The following UTP20 variants were observed in gnomAD, a reference collection of about 807,000 sequenced individuals.
UTP20 encodes small subunit processome component 20 homolog.
A neutral mutation model predicts 329.5 loss-of-function variants in UTP20; 164 were observed. That is an observed-to-expected ratio of 0.50 (90% CI 0.44 to 0.57). The LOEUF is 0.57. Among genes scored for constraint, UTP20 ranks in the 20% least tolerant of loss-of-function variants. UTP20 has a pLI of 0.00. For synonymous variants in UTP20, 1,151 were observed against 1,159.3 expected (o/e 0.99, Z 0.14); for missense variants, 3,055 against 3,284.2 (o/e 0.93, Z 1.71).
At position 101,365,604 on chromosome 12, in the gene UTP20, C is replaced by G. The variant is rs1034990688; in HGVS notation, c.6104C>G (p.Pro2035Arg). ...TATGGTTTGATCAGTGAAAATCTTC[C>G]CCTGTTAACAGAGAAAGAAAAGTAA... ...LSYGLISENL[P>R]LLTEKEKNPV... Residue 2035 changes from proline to arginine, a missense_variant, in exon 46 of 62, where the codon CCC becomes CGC. By Grantham distance (103) the Pro-to-Arg change is moderately radical. Coordinates refer to ENST00000261637, the MANE Select transcript of UTP20 (RefSeq NM_014503.3). 108 of 1,569,074 alleles carry G rather than the reference C, an allele frequency of 6.9e-5. No homozygotes were observed. The highest frequency in any genetic ancestry group is 8.6e-5 in the Non-Finnish European group (100 of 1,164,252).
chr12:101,281,087 A>G lies in UTP20; in HGVS notation c.46-29A>G, dbSNP rs376877104. Reference sequence around the variant, plus strand: ...AAGATCTGATAAATTTTAATTAATTATGTATCTTAAATATACTTTCCCTTC... The same window carrying G: ...AAGATCTGATAAATTTTAATTAATTGTGTATCTTAAATATACTTTCCCTTC... On this transcript the variant is annotated intron_variant, in intron 1 of 61. Coordinates refer to ENST00000261637, the MANE Select transcript of UTP20 (RefSeq NM_014503.3). The G allele has an allele frequency of 2.6e-6, 4 of 1,548,752 alleles. No homozygotes were observed. In the African/African-American group the frequency reaches 5.5e-5, roughly 21 times the overall value.
At chr12:101,321,179 C>A (rs1008705123) in intron 24 of UTP20, among the ~76,000 whole-genome samples, 8 of 152,000 alleles carry the variant, frequency 5.3e-5, no homozygotes, top group Admixed American at 1.3e-4. Flanking sequence ...TTTTCCTCTT[C>A]TTATTAATAT....
At position 101,311,725 on chromosome 12, in the gene UTP20, T is replaced by A; in HGVS notation, c.2238T>A (p.His746Gln). Reference protein sequence around the residue: ...WDPVIELISSHAHEMENKQFW... With the variant: ...WDPVIELISSQAHEMENKQFW... ...GATTTTTTTTTTCCCTTAGTTCTCA[T>A]GCACACGAAATGGAAAATAAGCAAT... Residue 746 changes from histidine to glutamine, a missense_variant, in exon 20 of 62, where the codon CAT (histidine) becomes CAA (glutamine). His to Gln is a conservative substitution (Grantham distance 24, BLOSUM62 0). Around this residue, in one of 3 missense-constraint regions of UTP20, gnomAD observed 2,445 missense variants for 2,575.5 expected, o/e 0.95. Transcript: ENST00000261637. 1 of 1,612,130 alleles carries A rather than the reference T, an allele frequency of 6.2e-7. No homozygotes were observed. Among genetic ancestry groups the A allele is most frequent in the South Asian group, 1.1e-5 (1 of 90,394 alleles).
Position 101,317,471 on chromosome 12 carries a change from A to G in UTP20, c.2553-7A>G. Reference sequence around the variant, plus strand: ...ATCAGTATCCTGTGACTTTCTTTCCACGGTAGCAATGAGTATTACCCAGCA... The same window carrying G: ...ATCAGTATCCTGTGACTTTCTTTCCGCGGTAGCAATGAGTATTACCCAGCA... On this transcript the variant is annotated splice_polypyrimidine_tract_variant and splice_region_variant and intron_variant, in intron 21 of 61. Transcript: ENST00000261637. The G allele has an allele frequency of 1.9e-6, 3 of 1,612,984 alleles. No homozygotes were observed. The highest frequency in any genetic ancestry group is 2.5e-6 in the Non-Finnish European group (3 of 1,179,462).
At chr12:101,326,139 T>C (rs1305774103) in intron 25 of UTP20, among the ~76,000 whole-genome samples, 2 of 152,204 alleles carry the variant, frequency 1.3e-5, no homozygotes, top group African/African-American at 4.8e-5. Context: ...AAAATGATTA[T>C]ATTAACTTTT....
chr12:101,290,065 C>A, intron 6 of UTP20, 72 bp from the exon 7 acceptor site: 1 of 1,183,592 alleles, frequency 8.4e-7, no homozygotes, highest in Non-Finnish European at 1.2e-6. Context: ...TATAGAATAG[C>A]AAATGAGAGT....
rs150242549 is a variant in UTP20 at position 101,379,540 on chromosome 12, C to T, written c.7566C>T (p.Ala2522=). ...AACCTGTAGCAATCAAGTTCCTAGC[C>T]AGTGACCTTGACCAAAAGGTAAGCT... ...LPEPVAIKFL[A]SDLDQKMKSI... The change falls in exon 57 of 62, where the codon GCC becomes GCT. Residue 2522 remains alanine, a synonymous_variant. Transcript: ENST00000261637. The T allele has an allele frequency of 1.9e-4, 306 of 1,612,230 alleles. No individual in the cohort carries two copies. Among genetic ancestry groups the T allele is most frequent in the Non-Finnish European group, 2.3e-4 (277 of 1,179,018 alleles).
At chr12:101,357,841 C>G (rs950987158) in intron 43 of UTP20, among the ~76,000 whole-genome samples, 5 of 152,128 alleles carry the variant, frequency 3.3e-5, no homozygotes, top group African/African-American at 9.7e-5. Flanking sequence ...AAGCATGGCA[C>G]CTGGACAGAC....
chr12:101,358,995 T>C (rs1869819686), intron 43 of UTP20, among the ~76,000 whole-genome samples: 1 of 152,184 alleles, frequency 6.6e-6, no homozygotes, highest in South Asian at 2.1e-4. Flanking sequence ...TTTGGTTTAC[T>C]CTGGTTGGCA....
intron 15 of UTP20, among the ~76,000 whole-genome samples, chr12:101,305,612 T>TATATAC (rs1491145745): frequency 2.0e-5 from 2 of 99,586 alleles, no homozygotes; most frequent in Admixed American, 1.0e-4. Flanking sequence ...TAATAAATAT[T>TATATAC]ATATATATAT....
chr12:101,302,848 G>C (rs1033468161), intron 15 of UTP20, among the ~76,000 whole-genome samples: 3 of 152,194 alleles, frequency 2.0e-5, no homozygotes, highest in Admixed American at 2.0e-4. Context: ...GCATGATGTT[G>C]ACCTTTTATA....
intron 43 of UTP20, among the ~76,000 whole-genome samples, chr12:101,357,873 G>T (rs1015593052): frequency 6.6e-6 from 1 of 152,320 alleles, no homozygotes; most frequent in South Asian, 2.1e-4. Context: ...CATCTGAGGG[G>T]TTGTGAGAAA....
rs148146448 is a variant in UTP20 at position 101,301,076 on chromosome 12, C to A, written c.1675+1015C>A. Among the ~76,000 whole-genome samples the A allele has an allele frequency of 3.3e-3, 497 of 152,190 alleles. 8 individuals carry two copies. Among genetic ancestry groups the A allele is most frequent in the Non-Finnish European group, 5.1e-4 (35 of 68,018 alleles). On this transcript the variant is annotated intron_variant, in intron 14 of 61. Coordinates refer to ENST00000261637, the MANE Select transcript of UTP20 (RefSeq NM_014503.3). Reference sequence around the variant, plus strand: ...TATATATTTTTTTAAACAACCCCTTCAAAATGTAAAAAACATTTTTAGCTT... The same window carrying A: ...TATATATTTTTTTAAACAACCCCTTAAAAATGTAAAAAACATTTTTAGCTT...
chr12:101,361,346 A>C (rs1869909355), intron 43 of UTP20, among the ~76,000 whole-genome samples: 1 of 151,972 alleles, frequency 6.6e-6, no homozygotes, highest in Admixed American at 6.6e-5. Flanking sequence ...ACTCTTGGCC[A>C]GGCATGGTGG....
intron 35 of UTP20, 66 bp downstream of exon 35, chr12:101,343,159 A>G (rs1391407557): frequency 8.6e-7 from 1 of 1,161,424 alleles, no homozygotes; most frequent in African/African-American, 1.6e-5. Context: ...TGCCTAATAC[A>G]GTGACCTGAT....
At chr12:101,326,978 C>T (rs1469592142) in intron 25 of UTP20, 103 bp from the exon 26 acceptor site, 1 of 1,067,278 alleles carries the variant, frequency 9.4e-7, no homozygotes, top group Non-Finnish European at 1.3e-6. Flanking sequence ...TATAATATAT[C>T]CATTTAAATC....
At chr12:101,380,952 C>T (rs1229910427) in intron 57 of UTP20, among the ~76,000 whole-genome samples, 188 bp from the exon 58 acceptor site, 3 of 151,302 alleles carry the variant, frequency 2.0e-5, no homozygotes, top group African/African-American at 7.3e-5. Context: ...GGATGAAATG[C>T]TTAGGGCAGG....
In UTP20 at chr12:101,333,349, A is replaced by T. The variant is rs917181928; in HGVS notation, c.3466A>T (p.Ile1156Phe). Residue 1156 changes from isoleucine (I) to phenylalanine (F), a missense_variant, in exon 28 of 62, where the codon ATC becomes TTC. Ile to Phe is a conservative substitution (Grantham distance 21, BLOSUM62 0). This residue lies in a region of UTP20 where 2,445 missense variants were observed against 2,575.5 expected (regional missense o/e 0.95). Transcript: ENST00000261637. The stretch of plus-strand genomic sequence containing the variant: ...ATTGAAAAATTTAAGACGTCTTGGA[A>T]TCAAAATGGTAACTGATATCTTTTT... ...NPLKNLRRLG[I>F]KMVTDIFLDW... The T allele has an allele frequency of 1.2e-6, 2 of 1,614,016 alleles. No individual in the cohort carries two copies. The highest frequency in any genetic ancestry group is 2.7e-5 in the African/African-American group (2 of 74,944).
intron 1 of UTP20, among the ~76,000 whole-genome samples, 180 bp downstream of exon 1, chr12:101,280,507 G>C (rs703711): frequency 0.85 from 129,384 of 152,270 alleles, 55,389 homozygotes; most frequent in African/African-American, 0.94. Context: ...GGAAAGAAGT[G>C]TGGACAGCAA....
Sources: gnomAD v4.1 joint callset for allele counts (sites outside exome capture counted in the v4.1 genomes callset) on GRCh38, gnomAD v4.1.1 for gene constraint, gnomAD v4.1.1 regional missense constraint, MANE v1.5 for transcripts, NCBI Gene and HGNC (gene_info 2026-07-23, HGNC 2026-07-21) for gene names.